MEIKIN: variants seen among roughly 807,000 people sequenced by gnomAD.
MEIKIN encodes meiosis-specific kinetochore protein.
At chr5:131,931,229 A>C (rs1364726403) in intron 5 of MEIKIN, among the ~76,000 whole-genome samples, 1 of 152,228 alleles carries the variant, frequency 6.6e-6, no homozygotes, top group Non-Finnish European at 1.5e-5. Context: ...CAACATTGTA[A>C]GACAGGTGTG....
chr5:131,924,400 T>G (rs755728943), intron 5 of MEIKIN, among the ~76,000 whole-genome samples: 1 of 152,166 alleles, frequency 6.6e-6, no homozygotes, highest in Non-Finnish European at 1.5e-5. Context: ...ACCTCCATAC[T>G]GTTTCTATAG....
chr5:131,917,531 A>C (rs991574161), intron 6 of MEIKIN, among the ~76,000 whole-genome samples: 1 of 146,932 alleles, frequency 6.8e-6, no homozygotes, highest in Non-Finnish European at 1.5e-5. Context: ...GCGCCACTGC[A>C]CTCCAGCCTG....
At position 131,927,871 on chromosome 5, in the gene MEIKIN, C is replaced by T. The variant is rs1464266981; in HGVS notation, c.478+5642G>A. Among the ~76,000 whole-genome samples, 81 of 152,202 alleles carry T rather than the reference C, an allele frequency of 5.3e-4. 2 individuals are homozygous for T. The highest frequency in any genetic ancestry group is 8.3e-4 in the South Asian group (4 of 4,832). On this transcript the variant is annotated intron_variant, in intron 5 of 12. Coordinates refer to ENST00000442687, the MANE Select transcript of MEIKIN (RefSeq NM_001303622.2). ...TTAAATCTAAAGAGGATCGGCCGGGCGCGGTGGCTCACGCCTGTAATCCCA... is the reference window on the plus strand; with the variant it reads ...TTAAATCTAAAGAGGATCGGCCGGGTGCGGTGGCTCACGCCTGTAATCCCA...
chr5:131,822,402 G>A (rs541542696), intron 11 of MEIKIN, among the ~76,000 whole-genome samples: 10 of 151,948 alleles, frequency 6.6e-5, no homozygotes, highest in Non-Finnish European at 1.3e-4. Flanking sequence ...TTTTAGTGAA[G>A]ATGATTTGCT....
intron 9 of MEIKIN, among the ~76,000 whole-genome samples, chr5:131,870,666 C>G (rs1750473783): frequency 6.6e-6 from 1 of 152,058 alleles, no homozygotes; most frequent in Non-Finnish European, 1.5e-5. Context: ...AAACGGAAAC[C>G]CAGAAGTCTT....
At chr5:131,925,253 C>T (rs976898150) in intron 5 of MEIKIN, among the ~76,000 whole-genome samples, 1 of 152,090 alleles carries the variant, frequency 6.6e-6, no homozygotes, top group Non-Finnish European at 1.5e-5. Flanking sequence ...ATTGTTTTGG[C>T]TATTTGAGCT....
intron 8 of MEIKIN, among the ~76,000 whole-genome samples, chr5:131,902,065 T>A (rs1017172472): frequency 9.2e-5 from 14 of 152,142 alleles, no homozygotes; most frequent in Non-Finnish European, 1.9e-4. Context: ...ACCTCCTCCC[T>A]CTCCCTGTCT....
chr5:131,834,458 A>C (rs556085175), intron 11 of MEIKIN, among the ~76,000 whole-genome samples: 5 of 152,184 alleles, frequency 3.3e-5, no homozygotes, highest in African/African-American at 1.2e-4. Flanking sequence ...TATAACTAAA[A>C]GTTGGTACCC....
In MEIKIN at chr5:131,892,884, T is replaced by C. The variant is rs563628743; in HGVS notation, c.704-13836A>G. Among the ~76,000 whole-genome samples the C allele has an allele frequency of 3.9e-5, 6 of 152,296 alleles. No individual in the cohort carries two copies. The East Asian group carries it at 7.7e-4, about 20-fold the overall frequency. The stretch of plus-strand genomic sequence containing the variant: ...GTCTTTGATGATGGTGACGTACAGA[T>C]GGGTTTTTGGTGCGGATGTCCTTAC... On this transcript the variant is annotated intron_variant, in intron 8 of 12. Coordinates refer to ENST00000442687, the MANE Select transcript of MEIKIN (RefSeq NM_001303622.2).
chr5:131,868,450 A>G lies in MEIKIN; in HGVS notation c.774+10528T>C, dbSNP rs545470941. 5.3e-5 allele frequency among the ~76,000 whole-genome samples: 8 copies of G among 152,282 alleles called. No individual in the cohort carries two copies. In the East Asian group the frequency reaches 1.4e-3, roughly 26 times the overall value. On this transcript the variant is annotated intron_variant, in intron 9 of 12. Transcript: ENST00000442687. Reference sequence around the variant, plus strand: ...CATATGATGTTGAACAACTTTTCATAAACTATTGCCTTTTGTATATCTTCT... The same window carrying G: ...CATATGATGTTGAACAACTTTTCATGAACTATTGCCTTTTGTATATCTTCT...
At chr5:131,935,286 A>AAAAAAAG in intron 4 of MEIKIN, among the ~76,000 whole-genome samples, 1 of 148,912 alleles carries the variant, frequency 6.7e-6, no homozygotes, top group Non-Finnish European at 1.5e-5. Context: ...AAAAAAAAAA[A>AAAAAAAG]AAAGAAAGAA....
intron 12 of MEIKIN, among the ~76,000 whole-genome samples, chr5:131,814,041 C>T (rs1004407114): frequency 5.9e-5 from 9 of 151,916 alleles, no homozygotes; most frequent in African/African-American, 2.2e-4. Context: ...AATCTTTTCA[C>T]ATTCTTCTGC....
chr5:131,811,829 A>G (rs1250628057), intron 12 of MEIKIN, among the ~76,000 whole-genome samples: 1 of 152,018 alleles, frequency 6.6e-6, no homozygotes, highest in Non-Finnish European at 1.5e-5. Context: ...GATGGTCTCG[A>G]TCTCCTGACC....
chr5:131,837,741 C>G (rs1237964006), intron 11 of MEIKIN, among the ~76,000 whole-genome samples: 1 of 152,038 alleles, frequency 6.6e-6, no homozygotes, highest in Non-Finnish European at 1.5e-5. Context: ...TGTTTATTAG[C>G]TTAAGGAGCT....
At chr5:131,909,955 C>T (rs563444704) in intron 8 of MEIKIN, among the ~76,000 whole-genome samples, 1 of 152,070 alleles carries the variant, frequency 6.6e-6, no homozygotes, top group South Asian at 2.1e-4. Flanking sequence ...AGGGAACCCT[C>T]GTATACTGTT....
At chr5:131,893,677 G>A (rs768666202) in intron 8 of MEIKIN, among the ~76,000 whole-genome samples, 5 of 152,184 alleles carry the variant, frequency 3.3e-5, no homozygotes, top group South Asian at 2.1e-4. Flanking sequence ...CATCTTCTGC[G>A]TCGCTCATGC....
intron 8 of MEIKIN, among the ~76,000 whole-genome samples, chr5:131,882,458 G>T (rs550392789): frequency 6.6e-6 from 1 of 152,156 alleles, no homozygotes; most frequent in South Asian, 2.1e-4. Context: ...AAACACAGTA[G>T]TTTCTCAGAT....
chr5:131,870,166 C>T (rs1430160752), intron 9 of MEIKIN, among the ~76,000 whole-genome samples: 2 of 152,078 alleles, frequency 1.3e-5, no homozygotes, highest in Non-Finnish European at 2.9e-5. Context: ...ATCAAAACAT[C>T]ACATGTACCC....
chr5:131,942,520 A>G (rs558812800), intron 4 of MEIKIN, 115 bp downstream of exon 4: 1 of 389,318 alleles, frequency 2.6e-6, no homozygotes, highest in Admixed American at 4.4e-5. Flanking sequence ...TTCACTTTGG[A>G]GTAGGGAAAA....
Sources: allele counts gnomAD v4.1 joint callset (sites outside exome capture counted in the v4.1 genomes callset), GRCh38; gene constraint gnomAD v4.1.1; transcripts MANE v1.5; gene names NCBI Gene and HGNC (gene_info 2026-07-23, HGNC 2026-07-21).